SART1: variants seen among roughly 807,000 people sequenced by gnomAD.
SART1 encodes the protein spliceosome associated factor 1, recruiter of U4/U6.U5 tri-snRNP.
SART1 carries 28 observed loss-of-function variants against 105.0 expected under a neutral mutation model. The observed-to-expected ratio is 0.27, with a 90% confidence interval of 0.20 to 0.37. The LOEUF (loss-of-function observed/expected upper bound fraction) is 0.37. Among genes scored for constraint, SART1 ranks in the 10% least tolerant of loss-of-function variants. SART1 has a pLI of 1.00. For missense variants in SART1, 894 were observed against 1,106.5 expected (o/e 0.81, Z 2.72); for synonymous variants, 472 against 462.9 (o/e 1.02, Z -0.25).
intron 15 of SART1, 80 bp from the exon 16 acceptor site, chr11:65,977,483 G>A (rs1855505707): frequency 1.7e-6 from 2 of 1,205,558 alleles, no homozygotes; most frequent in African/African-American, 3.0e-5. Context: ...TGCCCCCACA[G>A]GGCCTGCTCT....
chr11:65,974,775 T>C (rs949833846), intron 12 of SART1, among the ~76,000 whole-genome samples: 1 of 151,836 alleles, frequency 6.6e-6, no homozygotes, highest in Non-Finnish European at 1.5e-5. Context: ...GTGGCTCACG[T>C]CTGTAACCCC....
Position 65,965,410 on chromosome 11 carries a change from G to A in SART1, c.623G>A (p.Arg208Gln), listed in dbSNP as rs1181960055. 3.2e-6 allele frequency: 5 copies of A among 1,568,250 alleles called. No individual in the cohort carries two copies. The highest frequency in any genetic ancestry group is 1.4e-5 in the African/African-American group (1 of 73,656). Residue 208 changes from arginine (R) to glutamine (Q), a missense_variant, in exon 5 of 20, where the codon CGG becomes CAG. By Grantham distance (43) the Arg-to-Gln change is conservative. Transcript: ENST00000312397. ...DDTAAWIERS[R>Q]QLQKEKDLAE... ...ACTGCAGCCTGGATCGAGAGGAGCC[G>A]GCAGCTGCAGAAGGAGAAGGACCTG...
Position 65,961,901 on chromosome 11 carries a change from C to T in SART1, c.121C>T (p.Arg41Trp), listed in dbSNP as rs1855149687. 10 of 1,551,724 alleles carry T rather than the reference C, an allele frequency of 6.4e-6. No individual in the cohort carries two copies. Among genetic ancestry groups the T allele is most frequent in the Non-Finnish European group, 8.7e-6 (10 of 1,147,290 alleles). The change falls in exon 1 of 20, where the codon CGG (arginine) becomes TGG (tryptophan). Residue 41 changes from arginine (R) to tryptophan (W), a missense_variant. Around this residue, in one of 2 missense-constraint regions of SART1, gnomAD observed 712 missense variants for 778.2 expected, o/e 0.91. Coordinates refer to ENST00000312397, the MANE Select transcript of SART1 (RefSeq NM_005146.5). ...CCGGGAACACAAAAAACACAAGCAC[C>T]GGAGTGGCGGCAGTGGCGGTAGCGG... ...RHREHKKHKHRSGGSGGSGGE... is the reference protein window; with the variant it reads ...RHREHKKHKHWSGGSGGSGGE...
rs374733944 is a variant in SART1 at position 65,976,529 on chromosome 11, C to T, written c.1707C>T (p.Tyr569=). The T allele has an allele frequency of 1.6e-5, 25 of 1,606,114 alleles. No individual in the cohort carries two copies. The highest frequency in any genetic ancestry group is 1.4e-4 in the Admixed American group (8 of 58,972). ...FCRTLGEIPT[Y]GLAGNREEQE... Reference sequence around the variant, plus strand: ...GCACCTTGGGGGAGATCCCCACCTACGGGCTGGCTGGCAATCGCGAGGAGC... The same window carrying T: ...GCACCTTGGGGGAGATCCCCACCTATGGGCTGGCTGGCAATCGCGAGGAGC... Residue 569 remains tyrosine (Y), a synonymous_variant, in exon 13 of 20, where the codon TAC becomes TAT. Coordinates refer to ENST00000312397, the MANE Select transcript of SART1 (RefSeq NM_005146.5). The surrounding 1 kb of genome is among the most constrained non-coding windows in gnomAD (Gnocchi z 5.1).
Position 65,978,374 on chromosome 11 carries a change from T to A in SART1, c.2173-226T>A. On this transcript the variant is annotated intron_variant, in intron 17 of 19. Coordinates refer to ENST00000312397, the MANE Select transcript of SART1 (RefSeq NM_005146.5). This position sits in a 1 kb window ranked among gnomAD's most constrained non-coding sequence, Gnocchi z 6.8. ...TGGCAGGTCTCCAGGTTCCCCATGCTCTGCCCCCATGGCAGCGCATCCACT... is the reference window on the plus strand; with the variant it reads ...TGGCAGGTCTCCAGGTTCCCCATGCACTGCCCCCATGGCAGCGCATCCACT... 1 of 576,274 alleles carries A rather than the reference T, an allele frequency of 1.7e-6. No homozygotes were observed. The highest frequency in any genetic ancestry group is 3.1e-6 in the Non-Finnish European group (1 of 322,062). 35.7% of individuals were successfully genotyped at this position (576,274 alleles called of 1,614,324 possible).
chr11:65,975,697 A>G (rs893321055), intron 12 of SART1, among the ~76,000 whole-genome samples: 1 of 152,044 alleles, frequency 6.6e-6, no homozygotes, highest in Non-Finnish European at 1.5e-5. Context: ...TATAAAATGA[A>G]AGAGGGGTGC....
Position 65,964,105 on chromosome 11 carries a change from C to T in SART1, c.345C>T (p.Ala115=). ...GCTCCAAAACTAGCTCAGGCGATGC[C>T]TCCTCACTCAGCATCGAGGAGACTA... ...AASSKTSSGD[A]SSLSIEETNK... The change falls in exon 2 of 20, where the codon GCC becomes GCT. Residue 115 remains alanine (A), a synonymous_variant. Coordinates refer to ENST00000312397, the MANE Select transcript of SART1 (RefSeq NM_005146.5). 2 of 1,613,142 alleles carry T rather than the reference C, an allele frequency of 1.2e-6. No individual in the cohort carries two copies. The highest frequency in any genetic ancestry group is 1.1e-5 in the South Asian group (1 of 91,082).
Position 65,976,484 on chromosome 11 carries a change from C to A in SART1, c.1662C>A (p.Asn554Lys). The change falls in exon 13 of 20, where the codon AAC becomes AAA. Residue 554 changes from asparagine to lysine, a missense_variant. Coordinates refer to ENST00000312397, the MANE Select transcript of SART1 (RefSeq NM_005146.5). The surrounding 1 kb of genome is among the most constrained non-coding windows in gnomAD (Gnocchi z 5.1). ...AGCGGAAGGGGGCCATCGTGTTCAACGCCACGTCCGAGTTCTGCCGCACCT... is the reference window on the plus strand; with the variant it reads ...AGCGGAAGGGGGCCATCGTGTTCAAAGCCACGTCCGAGTTCTGCCGCACCT... Reference protein sequence around the residue: ...DPERKGAIVFNATSEFCRTLG... With the variant: ...DPERKGAIVFKATSEFCRTLG... 1 of 1,577,904 alleles carries A rather than the reference C, an allele frequency of 6.3e-7. No homozygotes were observed.
Position 65,964,086 on chromosome 11 carries a change from A to C in SART1, c.326A>C (p.Lys109Thr). The C allele has an allele frequency of 1.2e-6, 2 of 1,612,584 alleles. No individual in the cohort carries two copies. Among genetic ancestry groups the C allele is most frequent in the Non-Finnish European group, 1.7e-6 (2 of 1,180,012 alleles). ...DDGYEAAASS[K>T]TSSGDASSLS... ...CTTCTTGTTCCAGCTGCCAGCTCCA[A>C]AACTAGCTCAGGCGATGCCTCCTCA... is the stretch of plus-strand genomic sequence containing the variant. The change falls in exon 2 of 20, where the codon AAA becomes ACA. Residue 109 changes from lysine to threonine, a missense_variant. By Grantham distance (78) the Lys-to-Thr change is moderately conservative (BLOSUM62 -1). Coordinates refer to ENST00000312397, the MANE Select transcript of SART1 (RefSeq NM_005146.5).
chr11:65,977,495 C>A, intron 15 of SART1, 68 bp from the exon 16 acceptor site: 1 of 1,362,922 alleles, frequency 7.3e-7, no homozygotes, highest in Non-Finnish European at 1.0e-6. Context: ...GCCTGCTCTG[C>A]CTTCTCAGGC....
intron 1 of SART1, among the ~76,000 whole-genome samples, chr11:65,963,307 A>AT (rs1855182662): frequency 6.6e-6 from 1 of 152,058 alleles, no homozygotes. Flanking sequence ...ACCACAGGAG[A>AT]TCAAGCAAAA....
chr11:65,977,746 T>G lies in SART1; in HGVS notation c.2037-18T>G, dbSNP rs1236417129. On this transcript the variant is annotated intron_variant, in intron 16 of 19. Transcript: ENST00000312397. The stretch of plus-strand genomic sequence containing the variant: ...GGCGGCAGCTCCTCACACTAAGGCC[T>G]CCTCTGTCTCGGGCCAGGGCCATCG... The G allele has an allele frequency of 4.3e-6, 7 of 1,613,684 alleles. No individual in the cohort carries two copies. The highest frequency in any genetic ancestry group is 5.9e-6 in the Non-Finnish European group (7 of 1,179,936).
intron 12 of SART1, among the ~76,000 whole-genome samples, chr11:65,970,601 A>G (rs1855354730): frequency 2.1e-5 from 3 of 141,360 alleles, no homozygotes. Flanking sequence ...AAGTCAAGGC[A>G]GCCCATGGCC....
chr11:65,977,731 C>T (rs1323787013), intron 16 of SART1, 33 bp from the exon 17 acceptor site: 18 of 1,613,890 alleles, frequency 1.1e-5, no homozygotes, highest in African/African-American at 2.7e-5. Flanking sequence ...GGCGGCAGCT[C>T]CTCACACTAA....
chr11:65,963,119 A>G (rs1377202902), intron 1 of SART1, among the ~76,000 whole-genome samples: 1 of 152,142 alleles, frequency 6.6e-6, no homozygotes, highest in African/African-American at 2.4e-5. Flanking sequence ...AGACTGTGAC[A>G]TGAGAAGAGG....
rs1450245794 is a variant in SART1, at chr11:65,978,199, C to T, written c.2172+300C>T. 3.5e-5 allele frequency: 18 copies of T among 510,822 alleles called. No individual in the cohort carries two copies. Among genetic ancestry groups the T allele is most frequent in the Non-Finnish European group, 6.0e-5 (17 of 282,774 alleles). 31.6% of individuals were successfully genotyped at this position (510,822 alleles called of 1,614,324 possible). On this transcript the variant is annotated intron_variant, in intron 17 of 19. Coordinates refer to ENST00000312397, the MANE Select transcript of SART1 (RefSeq NM_005146.5). This position sits in a 1 kb window ranked among gnomAD's most constrained non-coding sequence, Gnocchi z 6.8. ...TGAGCCCTTCACTGGCTTTCCTGGC[C>T]CGCAGGGCCATTCCAGCGTCCAGGC...
At chr11:65,974,853 G>A (rs1354899412) in intron 12 of SART1, among the ~76,000 whole-genome samples, 1 of 151,794 alleles carries the variant, frequency 6.6e-6, no homozygotes, top group East Asian at 1.9e-4. Context: ...GGCTAGTACG[G>A]TGAAACCCCA....
rs1489043337 is a variant in SART1, at chr11:65,965,725, C to G, written c.684C>G (p.Asp228Glu). Reference sequence around the variant, plus strand: ...AGGCCAAGTTACTGGAGGAGATGGACCAAGAGTTTGGTGTCAGCACTCTGG... The same window carrying G: ...AGGCCAAGTTACTGGAGGAGATGGAGCAAGAGTTTGGTGTCAGCACTCTGG... ...EKRAKLLEEM[D>E]QEFGVSTLVE... Residue 228 changes from aspartate to glutamate, a missense_variant, in exon 6 of 20, where the codon GAC becomes GAG. Asp to Glu is a conservative substitution (Grantham distance 45, BLOSUM62 2). Coordinates refer to ENST00000312397, the MANE Select transcript of SART1 (RefSeq NM_005146.5). 2.5e-6 allele frequency: 4 copies of G among 1,613,850 alleles called. No homozygotes were observed. The African/African-American group carries it at 5.3e-5, about 22-fold the overall frequency.
At chr11:65,969,231 G>GA (rs1190282293) in intron 12 of SART1, among the ~76,000 whole-genome samples, 1 of 152,176 alleles carries the variant, frequency 6.6e-6, no homozygotes, top group East Asian at 1.9e-4. Context: ...CTGTTATAGG[G>GA]AAAACAGCCA....
Sources: allele counts gnomAD v4.1 joint callset (sites outside exome capture counted in the v4.1 genomes callset), GRCh38; gene constraint gnomAD v4.1.1; regional missense constraint gnomAD v4.1.1; non-coding constraint Gnocchi (gnomAD v3.1); transcripts MANE v1.5; gene names NCBI Gene and HGNC (gene_info 2026-07-23, HGNC 2026-07-21).